The following AKT2 variants were observed in gnomAD, a reference collection of about 807,000 sequenced individuals.
AKT2 encodes the protein AKT serine/threonine kinase 2.
In AKT2, 16 loss-of-function variants were observed where a neutral mutation model predicts 58.6. The ratio of observed to expected loss-of-function variants is 0.27; its 90% CI spans 0.18 to 0.41. The LOEUF (loss-of-function observed/expected upper bound fraction) is 0.41. Among genes scored for constraint, AKT2 ranks in the 10% least tolerant of loss-of-function variants. The pLI is 1.00. For synonymous variants in AKT2, 253 were observed against 254.0 expected (o/e 1.00, Z 0.04); for missense variants, 438 against 661.0 (o/e 0.66, Z 3.70).
At position 40,235,194 on chromosome 19, in the gene AKT2, C is replaced by T. The variant is rs781226811; in HGVS notation, c.1264-47G>A. 4 of 1,613,460 alleles carry T rather than the reference C, an allele frequency of 2.5e-6. No individual in the cohort carries two copies. The East Asian group carries it at 6.7e-5, about 27-fold the overall frequency. ...GCTCAGGGACCCTGAGGCCAGGAGG[C>T]CTCAACCAAGGTCACCACGAGTGGG... is the stretch of plus-strand genomic sequence containing the variant. On this transcript the variant is annotated intron_variant, in intron 12 of 13. Transcript: ENST00000392038. This position sits in a 1 kb window ranked among gnomAD's most constrained non-coding sequence, Gnocchi z 6.3.
At chr19:40,240,371 A>C in intron 6 of AKT2, 1 of 674,636 alleles carries the variant, frequency 1.5e-6, no homozygotes. Flanking sequence ...GGGACAAGAC[A>C]CCTGTGACGT....
chr19:40,257,953 G>A (rs1386423312), intron 2 of AKT2, among the ~76,000 whole-genome samples: 1 of 152,142 alleles, frequency 6.6e-6, no homozygotes, highest in African/African-American at 2.4e-5. Flanking sequence ...AATCTACAGA[G>A]ATGAAAAGTA....
chr19:40,238,041 C>G lies in AKT2; in HGVS notation c.759G>C (p.Arg253=). 2 of 1,610,114 alleles carry G rather than the reference C, an allele frequency of 1.2e-6. No homozygotes were observed. The highest frequency in any genetic ancestry group is 1.7e-4 in the Middle Eastern group (1 of 6,060). The part of the protein sequence containing the change: ...RERVFTEERA[R]FYGAEIVSAL... ...CCGAGACAATCTCTGCACCATAAAA[C>G]CGGGCCCGCTCCTCTGTGAAGACAC... Residue 253 remains arginine (R), a synonymous_variant, in exon 9 of 14, where the codon CGG becomes CGC. Transcript: ENST00000392038. This position sits in a 1 kb window ranked among gnomAD's most constrained non-coding sequence, Gnocchi z 5.1.
intron 1 of AKT2, chr19:40,273,351 A>C (rs1337302842): frequency 6.6e-6 from 1 of 151,956 alleles, no homozygotes; most frequent in East Asian, 1.9e-4. Context: ...AAAAAAAAAA[A>C]AAAAATTATT....
intron 1 of AKT2, among the ~76,000 whole-genome samples, chr19:40,270,957 G>A (rs2077200412): frequency 6.6e-6 from 1 of 151,686 alleles, no homozygotes; most frequent in Non-Finnish European, 1.5e-5. Flanking sequence ...AGGCTGCAGT[G>A]AGCTATGACT....
In AKT2 at chr19:40,235,149, T is replaced by G; in HGVS notation, c.1264-2A>C. 1 of 1,613,782 alleles carries G rather than the reference T, an allele frequency of 6.2e-7. No individual in the cohort carries two copies. Among genetic ancestry groups the G allele is most frequent in the Non-Finnish European group, 8.5e-7 (1 of 1,179,888 alleles). Reference sequence around the variant, plus strand: ...CTGAGGTTTGAAGGGTGGCAGGAGCTACGGAGGAGAGGAGCTCAGGCTCAG... The same window carrying G: ...CTGAGGTTTGAAGGGTGGCAGGAGCGACGGAGGAGAGGAGCTCAGGCTCAG... On this transcript the variant is annotated splice_acceptor_variant, in intron 12 of 13. Transcript: ENST00000392038. LOFTEE classifies it high-confidence loss of function. The surrounding 1 kb of genome is among the most constrained non-coding windows in gnomAD (Gnocchi z 6.3).
At chr19:40,276,497 C>G (rs1048380067) in intron 1 of AKT2, among the ~76,000 whole-genome samples, 1 of 150,998 alleles carries the variant, frequency 6.6e-6, no homozygotes, top group African/African-American at 2.4e-5. Context: ...TCCCGAATAG[C>G]TAGGATTATA....
intron 4 of AKT2, among the ~76,000 whole-genome samples, chr19:40,248,279 G>T (rs2145242597): frequency 6.6e-6 from 1 of 152,340 alleles, no homozygotes; most frequent in South Asian, 2.1e-4. Context: ...GCACATTGAG[G>T]TCTCAGAAGG....
In AKT2 at chr19:40,285,189, G is replaced by A. The variant is rs966301298; in HGVS notation, c.-93C>T. On this transcript the variant is annotated 5_prime_UTR_variant, in exon 1 of 14. Transcript: ENST00000392038. ...CGCGCTGGCGCACTCACCTGTCACC[G>A]GCAGCCGCCCAGCCTCTCCGGCGGG... 2.0e-5 allele frequency: 8 copies of A among 394,198 alleles called. No individual in the cohort carries two copies. The highest frequency in any genetic ancestry group is 1.0e-4 in the African/African-American group (5 of 48,346). The allele number at this position is 394,198 out of a possible 1,614,324, so 24.4% of individuals were successfully genotyped here.
At chr19:40,265,759 C>T (rs372393593) in intron 1 of AKT2, among the ~76,000 whole-genome samples, 5 of 152,128 alleles carry the variant, frequency 3.3e-5, no homozygotes, top group South Asian at 2.1e-4. Flanking sequence ...TGAGGGAATG[C>T]GCAGAGCCAC....
At chr19:40,245,544 C>T (rs1318158668) in intron 4 of AKT2, among the ~76,000 whole-genome samples, 3 of 152,136 alleles carry the variant, frequency 2.0e-5, no homozygotes, top group Non-Finnish European at 2.9e-5. Flanking sequence ...AACTGGGAGT[C>T]GAAGGAAAGG....
chr19:40,252,551 A>C (rs1255508640), intron 4 of AKT2, among the ~76,000 whole-genome samples: 1 of 152,016 alleles, frequency 6.6e-6, no homozygotes, highest in Admixed American at 6.6e-5. Flanking sequence ...TCGTGTAACT[A>C]CCCTGGGACA....
At chr19:40,274,916 T>G (rs11666690) in intron 1 of AKT2, 33,105 of 369,816 alleles carry the variant, frequency 0.09, 2,131 homozygotes, top group African/African-American at 0.23. Context: ...GGGCAGCAGG[T>G]GGAACCCCTT....
In AKT2 at chr19:40,232,655, C is replaced by A. The variant is rs906919148; in HGVS notation, c.*1217G>T. ...CACCCCTCCCCCACAGGATGAAATG[C>A]TCGGGCCAGGGATGGGGCCCAAGCC... On this transcript the variant is annotated 3_prime_UTR_variant, in exon 14 of 14. Transcript: ENST00000392038. The A allele has an allele frequency of 6.4e-5, 15 of 233,342 alleles. No individual in the cohort carries two copies. The highest frequency in any genetic ancestry group is 1.0e-4 in the Non-Finnish European group (12 of 118,252). The allele number at this position is 233,342 out of a possible 1,614,324, so 14.5% of individuals were successfully genotyped here.
intron 1 of AKT2, chr19:40,279,775 G>A (rs948573307): frequency 7.2e-5 from 11 of 152,202 alleles, no homozygotes; most frequent in Admixed American, 6.5e-4. Flanking sequence ...ATCTCTGGAA[G>A]CCCAGATTCA....
intron 4 of AKT2, among the ~76,000 whole-genome samples, chr19:40,245,860 G>C (rs1205219136): frequency 6.6e-6 from 1 of 152,134 alleles, no homozygotes; most frequent in Non-Finnish European, 1.5e-5. Flanking sequence ...GAAAGAGTGA[G>C]GCAGCCAAAG....
At chr19:40,274,464 T>C (rs1451749907) in intron 1 of AKT2, 1 of 156,786 alleles carries the variant, frequency 6.4e-6, no homozygotes, top group African/African-American at 2.4e-5. Flanking sequence ...TCCCTGCCAT[T>C]GGGGAGTTGG....
chr19:40,278,377 T>G (rs1215360586), intron 1 of AKT2, among the ~76,000 whole-genome samples: 1 of 152,028 alleles, frequency 6.6e-6, no homozygotes, highest in East Asian at 1.9e-4. Context: ...CACCTTAAGC[T>G]CTGCAGCAGT....
At position 40,238,388 on chromosome 19, in the gene AKT2, T is replaced by C. The variant is rs138714915; in HGVS notation, c.709-297A>G. On this transcript the variant is annotated intron_variant, in intron 8 of 13. Coordinates refer to ENST00000392038, the MANE Select transcript of AKT2 (RefSeq NM_001626.6). The surrounding 1 kb of genome is among the most constrained non-coding windows in gnomAD (Gnocchi z 5.1). ...AGCACACGTCATGACCAAGTAACAA[T>C]AGGCCATGGGCAAGCCCAGATCAGA... 2.8e-3 allele frequency among the ~76,000 whole-genome samples: 430 copies of C among 151,898 alleles called. No individual in the cohort carries two copies. Among genetic ancestry groups the C allele is most frequent in the African/African-American group, 0.01 (419 of 41,410 alleles).
Sources: gnomAD v4.1 joint callset for allele counts (sites outside exome capture counted in the v4.1 genomes callset) on GRCh38, gnomAD v4.1.1 for gene constraint, Gnocchi (gnomAD v3.1) non-coding constraint, MANE v1.5 for transcripts, NCBI Gene and HGNC (gene_info 2026-07-23, HGNC 2026-07-21) for gene names.